STX17: variants seen among roughly 807,000 people sequenced by gnomAD.
STX17 encodes the protein syntaxin-17.
In STX17, 29 loss-of-function variants were observed where a neutral mutation model predicts 35.9. That is an observed-to-expected ratio of 0.81 (90% confidence interval 0.60 to 1.10). STX17 has a LOEUF of 1.10. Among genes scored for constraint, STX17 ranks in the 50% least tolerant of loss-of-function variants. The probability of loss-of-function intolerance (pLI) is 0.00; values close to 1 mark genes in which losing one functional copy is unlikely to be tolerated. For missense variants in STX17, 312 were observed against 352.3 expected (o/e 0.89, Z 0.92); for synonymous variants, 92 against 118.3 (o/e 0.78, Z 1.44).
chr9:99,958,400 G>T (rs1413751750), intron 4 of STX17, among the ~76,000 whole-genome samples: 1 of 152,138 alleles, frequency 6.6e-6, no homozygotes, highest in Admixed American at 6.5e-5. Context: ...GACTGAACTT[G>T]ACTATTAATA....
At chr9:99,940,685 T>C (rs138976093) in intron 3 of STX17, among the ~76,000 whole-genome samples, 56 of 152,224 alleles carry the variant, frequency 3.7e-4, no homozygotes, top group African/African-American at 1.3e-3. Flanking sequence ...TTCTTCATGT[T>C]GTCCAGACTG....
intron 3 of STX17, among the ~76,000 whole-genome samples, chr9:99,947,038 A>T (rs1829500572): frequency 6.6e-6 from 1 of 152,098 alleles, no homozygotes. Context: ...TATCTATTCA[A>T]ATTCATTTTC....
chr9:99,952,554 C>T (rs1829623505), intron 4 of STX17, among the ~76,000 whole-genome samples: 1 of 152,186 alleles, frequency 6.6e-6, no homozygotes, highest in Non-Finnish European at 1.5e-5. Flanking sequence ...GACTATAAAT[C>T]ATGCTGCTAT....
chr9:99,929,689 T>G (rs1829071506), intron 3 of STX17: 1 of 151,500 alleles, frequency 6.6e-6, no homozygotes, highest in Non-Finnish European at 1.5e-5. Context: ...TATATTACAA[T>G]TTTTGGTTAA....
chr9:99,952,573 A>T (rs12343070), intron 4 of STX17, among the ~76,000 whole-genome samples: 40 of 152,006 alleles, frequency 2.6e-4, no homozygotes, highest in Non-Finnish European at 5.1e-4. Flanking sequence ...ATAAAGACAC[A>T]TGCACACGTA....
rs140240143 is a variant in STX17, at chr9:99,908,593, T to C, written c.-63+1887T>C. Among the ~76,000 whole-genome samples, 200 of 152,338 alleles carry C rather than the reference T, an allele frequency of 1.3e-3. 1 individual carries two copies. Among genetic ancestry groups the C allele is most frequent in the African/African-American group, 4.8e-3 (199 of 41,580 alleles). On this transcript the variant is annotated intron_variant, in intron 1 of 7. Coordinates refer to ENST00000259400, the MANE Select transcript of STX17 (RefSeq NM_017919.3). ...TTTCTTTCAGGTTGCTTTCTGTAGC[T>C]TTTCAGCATGCTTCCATCCTTTTTT...
intron 3 of STX17, among the ~76,000 whole-genome samples, chr9:99,944,811 C>T (rs1015984416): frequency 5.3e-5 from 8 of 152,110 alleles, no homozygotes; most frequent in Non-Finnish European, 1.2e-4. Flanking sequence ...CCACTGCGCC[C>T]AGCCAGCATT....
At chr9:99,960,449 GT>G (rs201738436) in intron 6 of STX17, among the ~76,000 whole-genome samples, 101 of 144,436 alleles carry the variant, frequency 7.0e-4, no homozygotes, top group Non-Finnish European at 9.6e-4. Context: ...TGTTTTTTGT[GT>G]TTTTTTTTTT....
intron 2 of STX17, among the ~76,000 whole-genome samples, chr9:99,917,450 A>G (rs1053629453): frequency 6.6e-6 from 1 of 152,194 alleles, no homozygotes; most frequent in Admixed American, 6.5e-5. Flanking sequence ...AAGGTGTAGA[A>G]AGATAAAATA....
intron 6 of STX17, among the ~76,000 whole-genome samples, chr9:99,962,002 C>G (rs1829836229): frequency 6.6e-6 from 1 of 152,074 alleles, no homozygotes; most frequent in Non-Finnish European, 1.5e-5. Flanking sequence ...ATTTTGCCTT[C>G]TTTCCATATG....
At chr9:99,914,976 T>C in intron 1 of STX17, 1 of 236,024 alleles carries the variant, frequency 4.2e-6, no homozygotes, top group East Asian at 1.1e-4. Context: ...TTATATTGTC[T>C]GAACATTCTA....
intron 4 of STX17, among the ~76,000 whole-genome samples, chr9:99,952,546 C>G (rs991859366): frequency 6.6e-6 from 1 of 152,082 alleles, no homozygotes; most frequent in Non-Finnish European, 1.5e-5. Flanking sequence ...ACCCAAAGGA[C>G]TATAAATCAT....
chr9:99,969,414 C>G lies in STX17; in HGVS notation c.*741C>G, dbSNP rs1253883999. The G allele has an allele frequency of 1.3e-5, 2 of 152,162 alleles. No individual in the cohort carries two copies. The highest frequency in any genetic ancestry group is 2.4e-5 in the African/African-American group (1 of 41,428). The allele number at this position is 152,162 out of a possible 1,614,324, so 9.4% of individuals were successfully genotyped here. ...AGATCTTGTGCCCTGTGCTGTCCCTCCCTTGTAATTATGAAAAGTTCTTTG... is the reference window on the plus strand; with the variant it reads ...AGATCTTGTGCCCTGTGCTGTCCCTGCCTTGTAATTATGAAAAGTTCTTTG... On this transcript the variant is annotated 3_prime_UTR_variant, in exon 8 of 8. Coordinates refer to ENST00000259400, the MANE Select transcript of STX17 (RefSeq NM_017919.3).
At chr9:99,963,732 A>G (rs1829867310) in intron 6 of STX17, among the ~76,000 whole-genome samples, 1 of 152,126 alleles carries the variant, frequency 6.6e-6, no homozygotes, top group Non-Finnish European at 1.5e-5. Context: ...GTCCCTTTCC[A>G]ACTGCTGAAT....
intron 3 of STX17, among the ~76,000 whole-genome samples, chr9:99,930,513 C>T (rs1016891256): frequency 6.6e-6 from 1 of 150,694 alleles, no homozygotes; most frequent in Non-Finnish European, 1.5e-5. Context: ...GTGGTCCACC[C>T]GCCTCAGCCT....
chr9:99,938,796 AAGGG>A (rs375308267), intron 3 of STX17, among the ~76,000 whole-genome samples: 2 of 137,358 alleles, frequency 1.5e-5, no homozygotes, highest in African/African-American at 2.6e-5. Flanking sequence ...GGAAGGAAGG[AAGGG>A]AGGGAGGGAG....
In STX17 at chr9:99,957,224, A is replaced by G. The variant is rs1829726257; in HGVS notation, c.416-2693A>G. 2.0e-5 allele frequency among the ~76,000 whole-genome samples: 3 copies of G among 152,132 alleles called. No homozygotes were observed. The South Asian group carries it at 6.2e-4, about 31-fold the overall frequency. On this transcript the variant is annotated intron_variant, in intron 4 of 7. Transcript: ENST00000259400. ...CTCTCTTCTTTGCCTAGTAACCTCAAGTTTTCTAGAAAGGCTTCCCATGAG... is the reference window on the plus strand; with the variant it reads ...CTCTCTTCTTTGCCTAGTAACCTCAGGTTTTCTAGAAAGGCTTCCCATGAG...
intron 3 of STX17, among the ~76,000 whole-genome samples, chr9:99,950,045 A>G (rs1829562364): frequency 6.6e-6 from 1 of 151,956 alleles, no homozygotes; most frequent in African/African-American, 2.4e-5. Flanking sequence ...TATTGACTAG[A>G]AAGGCTTTAT....
chr9:99,951,360 C>A, intron 4 of STX17, 75 bp downstream of exon 4: 1 of 1,323,450 alleles, frequency 7.6e-7, no homozygotes, highest in African/African-American at 1.5e-5. Flanking sequence ...TGAGTAGATA[C>A]TGAATTATCT....
Sources: gnomAD v4.1 joint callset for allele counts (sites outside exome capture counted in the v4.1 genomes callset) on GRCh38, gnomAD v4.1.1 for gene constraint, MANE v1.5 for transcripts, NCBI Gene and HGNC (gene_info 2026-07-23, HGNC 2026-07-21) for gene names.